The following SLC28A3 variants were observed in gnomAD, a reference collection of about 807,000 sequenced individuals.
The protein encoded by SLC28A3 is concentrative Na(+)-nucleoside cotransporter 3.
A neutral mutation model predicts 84.2 loss-of-function variants in SLC28A3; 68 were observed. That is an observed-to-expected ratio of 0.81 (90% CI 0.66 to 0.99). SLC28A3 has a LOEUF of 0.99. Among genes scored for constraint, SLC28A3 ranks in the 50% least tolerant of loss-of-function variants. SLC28A3 has a pLI of 0.00. For missense variants in SLC28A3, 712 were observed against 841.5 expected (o/e 0.85, Z 1.90); for synonymous variants, 267 against 303.6 (o/e 0.88, Z 1.25).
At chr9:84,318,454 A>G (rs1036571338) in intron 1 of SLC28A3, among the ~76,000 whole-genome samples, 6 of 152,186 alleles carry the variant, frequency 3.9e-5, no homozygotes, top group Admixed American at 3.9e-4. Flanking sequence ...GAGGAAACCC[A>G]TATGTATGGG....
At chr9:84,287,023 G>C (rs1825017172) in intron 12 of SLC28A3, among the ~76,000 whole-genome samples, 1 of 152,088 alleles carries the variant, frequency 6.6e-6, no homozygotes, top group African/African-American at 2.4e-5. Context: ...GGACAACATG[G>C]TGAAATACTG....
At chr9:84,299,188 G>A (rs749061046) in intron 6 of SLC28A3, among the ~76,000 whole-genome samples, 1 of 152,168 alleles carries the variant, frequency 6.6e-6, no homozygotes, top group African/African-American at 2.4e-5. Flanking sequence ...AATTTTTGGA[G>A]TATAAATGCC....
chr9:84,277,932 C>T lies in SLC28A3; in HGVS notation c.*286G>A. 1 of 378,774 alleles carries T rather than the reference C, an allele frequency of 2.6e-6. No individual in the cohort carries two copies. Among genetic ancestry groups the T allele is most frequent in the East Asian group, 4.8e-5 (1 of 20,860 alleles). 23.5% of individuals were successfully genotyped at this position (378,774 alleles called of 1,614,324 possible). The stretch of plus-strand genomic sequence containing the variant: ...TTATAGCTGTATTCTGGTGAAATGC[C>T]TTGCAAACATTAAAGTCAGAAAATC... On this transcript the variant is annotated 3_prime_UTR_variant, in exon 18 of 18. Transcript: ENST00000376238.
At position 84,276,688 on chromosome 9, in the gene SLC28A3, A is replaced by G. The variant is rs1196323442; in HGVS notation, c.*1530T>C. 1 of 147,680 alleles carries G rather than the reference A, an allele frequency of 6.8e-6. No individual in the cohort carries two copies. The highest frequency in any genetic ancestry group is 2.6e-5 in the African/African-American group (1 of 38,570). The allele number at this position is 147,680 out of a possible 1,614,324, so 9.1% of individuals were successfully genotyped here. On this transcript the variant is annotated 3_prime_UTR_variant, in exon 18 of 18. Transcript: ENST00000376238. ...TACAAATAATAAGAAATATTTTAGT[A>G]TATCATACTTCAGGGATAAACAGTC...
At chr9:84,349,390 C>A in the SLC28A3 span, among the ~76,000 whole-genome samples, 1 of 152,180 alleles carries the variant, frequency 6.6e-6, no homozygotes, top group Non-Finnish European at 1.5e-5. Context: ...GTGCCTGCTA[C>A]CACGCCTGGC....
At chr9:84,292,860 G>GTC in intron 9 of SLC28A3, 112 bp from the exon 10 acceptor site, 1 of 662,206 alleles carries the variant, frequency 1.5e-6, no homozygotes, top group Non-Finnish European at 2.4e-6. Flanking sequence ...TTCAACATTT[G>GTC]TCAGCAAGCT....
chr9:84,363,916 C>T, the SLC28A3 span, among the ~76,000 whole-genome samples: 2 of 151,622 alleles, frequency 1.3e-5, no homozygotes, highest in African/African-American at 4.9e-5. Context: ...CAAAGTTTGT[C>T]TTTGATTTTT....
In SLC28A3 at chr9:84,278,036, G is replaced by A; in HGVS notation, c.*182C>T. The A allele has an allele frequency of 1.4e-6, 1 of 725,518 alleles. No homozygotes were observed. The highest frequency in any genetic ancestry group is 2.1e-6 in the Non-Finnish European group (1 of 466,484). The allele number at this position is 725,518 out of a possible 1,614,324, so 44.9% of individuals were successfully genotyped here. A position where few individuals can be genotyped will look rare whatever the true frequency, so the allele number is the denominator to read the frequency against. On this transcript the variant is annotated 3_prime_UTR_variant, in exon 18 of 18. Transcript: ENST00000376238. Reference sequence around the variant, plus strand: ...GGTGGGGAAGGGGCTGGTGGGGAGGGAGGGGAGGAGGAAAATGTTGTAGCT... The same window carrying A: ...GGTGGGGAAGGGGCTGGTGGGGAGGAAGGGGAGGAGGAAAATGTTGTAGCT...
intron 1 of SLC28A3, among the ~76,000 whole-genome samples, chr9:84,329,407 T>C (rs1307771761): frequency 6.6e-6 from 1 of 152,158 alleles, no homozygotes; most frequent in Non-Finnish European, 1.5e-5. Flanking sequence ...CCAACAAAAG[T>C]AGAATACACA....
intron 10 of SLC28A3, among the ~76,000 whole-genome samples, chr9:84,291,915 T>G (rs1323853570): frequency 6.6e-6 from 1 of 152,222 alleles, no homozygotes; most frequent in Non-Finnish European, 1.5e-5. Context: ...GCCATGCTGC[T>G]ATTTTGAGGG....
chr9:84,280,328 T>A (rs1824698555), intron 15 of SLC28A3, among the ~76,000 whole-genome samples: 1 of 152,208 alleles, frequency 6.6e-6, no homozygotes, highest in African/African-American at 2.4e-5. Flanking sequence ...AAGAAAAACC[T>A]CCTAAGTTTC....
chr9:84,332,360 T>C (rs920651226), intron 1 of SLC28A3, among the ~76,000 whole-genome samples: 1 of 152,126 alleles, frequency 6.6e-6, no homozygotes, highest in African/African-American at 2.4e-5. Flanking sequence ...AAGAAATGCC[T>C]AAGTAGTTAT....
intron 1 of SLC28A3, among the ~76,000 whole-genome samples, chr9:84,315,777 T>C (rs1826151122): frequency 6.6e-6 from 1 of 152,194 alleles, no homozygotes; most frequent in Non-Finnish European, 1.5e-5. Context: ...TCTTCTTCTT[T>C]TTAAATTAGA....
At chr9:84,346,744 C>T in the SLC28A3 span, among the ~76,000 whole-genome samples, 2 of 152,230 alleles carry the variant, frequency 1.3e-5, no homozygotes, top group East Asian at 3.9e-4. Flanking sequence ...GGTTTTTTCC[C>T]TGACATTTAC....
At chr9:84,324,990 G>A (rs1487296961) in intron 1 of SLC28A3, among the ~76,000 whole-genome samples, 1 of 152,194 alleles carries the variant, frequency 6.6e-6, no homozygotes, top group African/African-American at 2.4e-5. Flanking sequence ...TTATGAGGTT[G>A]CTGGCTAGTT....
chr9:84,287,309 CAT>C (rs2118119548), intron 12 of SLC28A3, among the ~76,000 whole-genome samples: 1 of 152,274 alleles, frequency 6.6e-6, no homozygotes, highest in South Asian at 2.1e-4. Context: ...ATTTCAGACA[CAT>C]GTTGGTTGCT....
intron 1 of SLC28A3, among the ~76,000 whole-genome samples, chr9:84,314,080 A>T (rs545684408): frequency 6.6e-6 from 1 of 152,234 alleles, no homozygotes; most frequent in African/African-American, 2.4e-5. Context: ...TCAACTTATA[A>T]AATGAACTAA....
In SLC28A3 at chr9:84,292,660, C is replaced by A; in HGVS notation, c.1023+8G>T. 1.2e-6 allele frequency: 2 copies of A among 1,604,158 alleles called. No individual in the cohort carries two copies. The highest frequency in any genetic ancestry group is 2.2e-5 in the South Asian group (2 of 89,462). ...CAGATGTTTTGTTCTGTTGATATTA[C>A]AACTTACTTGTCCAACAAATATATT... On this transcript the variant is annotated splice_region_variant and intron_variant, in intron 10 of 17. Coordinates refer to ENST00000376238, the MANE Select transcript of SLC28A3 (RefSeq NM_001199633.2).
the SLC28A3 span, among the ~76,000 whole-genome samples, chr9:84,366,237 T>C: frequency 6.6e-6 from 1 of 152,078 alleles, no homozygotes; most frequent in African/African-American, 2.4e-5. Context: ...TTTCTGCTTA[T>C]TTTAAACTAT....
Sources: gnomAD v4.1 joint callset for allele counts (sites outside exome capture counted in the v4.1 genomes callset) on GRCh38, gnomAD v4.1.1 for gene constraint, MANE v1.5 for transcripts, NCBI Gene and HGNC (gene_info 2026-07-23, HGNC 2026-07-21) for gene names.